ALK: variants seen among roughly 807,000 people sequenced by gnomAD.
The protein encoded by ALK is ALK tyrosine kinase receptor.
In ALK, 74 loss-of-function variants were observed where a neutral mutation model predicts 163.1. The observed-to-expected ratio is 0.45, with a 90% CI of 0.38 to 0.55. The LOEUF (loss-of-function observed/expected upper bound fraction) is 0.55, where lower values mean the gene tolerates loss of function less well. Among genes scored for constraint, ALK ranks in the 20% least tolerant of loss-of-function variants. The pLI is 0.00. For synonymous variants in ALK, 960 were observed against 843.2 expected, an observed-to-expected ratio of 1.14 and a Z score of -2.40; for missense variants, 2,063 against 2,105.3, an observed-to-expected ratio of 0.98 and a Z score of 0.39.
At chr2:29,627,186 G>C (rs1676215616) in intron 3 of ALK, among the ~76,000 whole-genome samples, 1 of 152,136 alleles carries the variant, frequency 6.6e-6, no homozygotes, top group South Asian at 2.1e-4. Flanking sequence ...GCATTTTCTA[G>C]ACCACCACGG....
rs2148215381 is a variant in ALK, at chr2:29,275,392, G to A, written c.1912+10C>T. 6.2e-7 allele frequency: 1 copy of A among 1,613,938 alleles called. No individual in the cohort carries two copies. The highest frequency in any genetic ancestry group is 2.2e-5 in the East Asian group (1 of 44,872). On this transcript the variant is annotated intron_variant, in intron 10 of 28. Transcript: ENST00000389048. ...TGGGGGACAGAGTGCTGGGGTCAGAGTGAACTCACTGGTGAGGTAGCAGTC... is the reference window on the plus strand; with the variant it reads ...TGGGGGACAGAGTGCTGGGGTCAGAATGAACTCACTGGTGAGGTAGCAGTC...
intron 3 of ALK, among the ~76,000 whole-genome samples, chr2:29,605,142 T>C (rs950879668): frequency 3.3e-5 from 5 of 152,298 alleles, no homozygotes; most frequent in Admixed American, 2.6e-4. Flanking sequence ...AGACAGTTTT[T>C]CCACGGACAG....
chr2:29,859,442 C>A (rs2148405792), intron 1 of ALK, among the ~76,000 whole-genome samples: 1 of 152,278 alleles, frequency 6.6e-6, no homozygotes, highest in South Asian at 2.1e-4. Flanking sequence ...AAACCATGCT[C>A]AAGAACTTTC....
intron 3 of ALK, among the ~76,000 whole-genome samples, chr2:29,621,842 C>T (rs1383561389): frequency 6.6e-6 from 1 of 152,150 alleles, no homozygotes; most frequent in Non-Finnish European, 1.5e-5. Context: ...TTTGTCTCAA[C>T]CATCCTTTTC....
At chr2:29,913,133 A>G (rs951788367) in intron 1 of ALK, among the ~76,000 whole-genome samples, 9 of 152,044 alleles carry the variant, frequency 5.9e-5, no homozygotes, top group Non-Finnish European at 1.2e-4. Context: ...GTAAGGTGCA[A>G]GAAAAAAAAA....
At chr2:29,512,133 AC>A (rs1180308270) in intron 4 of ALK, among the ~76,000 whole-genome samples, 34 of 152,192 alleles carry the variant, frequency 2.2e-4, no homozygotes, top group African/African-American at 8.0e-4. Flanking sequence ...GTTTTTTCTT[AC>A]CCAAGTCTGC....
intron 4 of ALK, among the ~76,000 whole-genome samples, chr2:29,529,163 G>A (rs976676261): frequency 1.3e-5 from 2 of 152,130 alleles, no homozygotes; most frequent in Non-Finnish European, 1.5e-5. Flanking sequence ...GGCACCACCT[G>A]CTCACGACAC....
rs117094055 is a variant in ALK at position 29,847,521 on chromosome 2, A to G, written c.667+72472T>C. Among the ~76,000 whole-genome samples the G allele has an allele frequency of 6.6e-5, 10 of 152,280 alleles. No homozygotes were observed. The East Asian group carries it at 1.9e-3, about 29-fold the overall frequency. On this transcript the variant is annotated intron_variant, in intron 1 of 28. Transcript: ENST00000389048. ...ACAAGCAGGAAGTACTGACCAAGCAATTTTAAAAGGTTGGTCTAATGCTCT... is the reference window on the plus strand; with the variant it reads ...ACAAGCAGGAAGTACTGACCAAGCAGTTTTAAAAGGTTGGTCTAATGCTCT...
chr2:29,815,529 A>G (rs1455508215), intron 1 of ALK, among the ~76,000 whole-genome samples: 1 of 152,150 alleles, frequency 6.6e-6, no homozygotes, highest in Admixed American at 6.5e-5. Flanking sequence ...CTGAGGAAGG[A>G]GAAGTTCTTG....
intron 1 of ALK, among the ~76,000 whole-genome samples, chr2:29,825,748 G>C (rs937117456): frequency 6.6e-6 from 1 of 151,648 alleles, no homozygotes; most frequent in Non-Finnish European, 1.5e-5. Flanking sequence ...CCAAAGATTC[G>C]ACAGATGAAG....
intron 15 of ALK, among the ~76,000 whole-genome samples, chr2:29,230,463 T>A (rs1052435156): frequency 1.3e-5 from 2 of 152,058 alleles, no homozygotes; most frequent in South Asian, 4.1e-4. Flanking sequence ...AACAGCAGTG[T>A]GTGTGTCTGC....
At chr2:29,902,534 G>A (rs1480955819) in intron 1 of ALK, among the ~76,000 whole-genome samples, 1 of 152,150 alleles carries the variant, frequency 6.6e-6, no homozygotes, top group Admixed American at 6.5e-5. Flanking sequence ...GTTTCCTGCT[G>A]CAAGAAAGTC....
At chr2:29,466,755 GTT>G (rs1671223728) in intron 4 of ALK, among the ~76,000 whole-genome samples, 1 of 152,192 alleles carries the variant, frequency 6.6e-6, no homozygotes, top group Non-Finnish European at 1.5e-5. Context: ...AAGCTGAAGA[GTT>G]TGTTTTGAGG....
In ALK at chr2:29,877,924, T is replaced by G. The variant is rs373266836; in HGVS notation, c.667+42069A>C. On this transcript the variant is annotated intron_variant, in intron 1 of 28. Coordinates refer to ENST00000389048, the MANE Select transcript of ALK (RefSeq NM_004304.5). ...CTATTCCCTCTGCCCAACCCTAGGA[T>G]TCTGGCTTCCTTCCCAGACCCAGAA... Among the ~76,000 whole-genome samples, 6 of 152,324 alleles carry G rather than the reference T, an allele frequency of 3.9e-5. No individual in the cohort carries two copies. The East Asian group carries it at 9.6e-4, about 24-fold the overall frequency.
In ALK at chr2:29,842,019, T is replaced by C. The variant is rs150307240; in HGVS notation, c.667+77974A>G. On this transcript the variant is annotated intron_variant, in intron 1 of 28. Transcript: ENST00000389048. ...CATCCTCCTCTTCACTCCTCTTTTCTACCTTCTTCCTCTCCTTCCTTCTCT... is the reference window on the plus strand; with the variant it reads ...CATCCTCCTCTTCACTCCTCTTTTCCACCTTCTTCCTCTCCTTCCTTCTCT... 7.6e-3 allele frequency among the ~76,000 whole-genome samples: 1,149 copies of C among 152,096 alleles called. 17 individuals carry two copies. The highest frequency in any genetic ancestry group is 0.026 in the African/African-American group (1,099 of 41,508).
chr2:29,192,809 C>T lies in ALK; in HGVS notation c.*415G>A, dbSNP rs886055925. On this transcript the variant is annotated 3_prime_UTR_variant, in exon 29 of 29. Coordinates refer to ENST00000389048, the MANE Select transcript of ALK (RefSeq NM_004304.5). ...CAAATAACTCCTTTATTTCCGTTCC[C>T]TCTCCCCTCAAATGGCTCATGTCCA... 1 of 299,168 alleles carries T rather than the reference C, an allele frequency of 3.3e-6. No individual in the cohort carries two copies. The highest frequency in any genetic ancestry group is 6.3e-6 in the Non-Finnish European group (1 of 157,848). The allele number at this position is 299,168 out of a possible 1,614,324, so 18.5% of individuals were successfully genotyped here. A position where few individuals can be genotyped will look rare whatever the true frequency, so the allele number is the denominator to read the frequency against.
intron 1 of ALK, among the ~76,000 whole-genome samples, chr2:29,809,122 A>G (rs1374957362): frequency 6.6e-6 from 1 of 152,248 alleles, no homozygotes; most frequent in Non-Finnish European, 1.5e-5. Context: ...ATCGGAGAGC[A>G]TATGAGTTTT....
At chr2:29,712,135 G>A (rs1339200351) in intron 2 of ALK, among the ~76,000 whole-genome samples, 1 of 152,120 alleles carries the variant, frequency 6.6e-6, no homozygotes, top group Non-Finnish European at 1.5e-5. Flanking sequence ...GAATTTCCAT[G>A]GATTGAGTAT....
chr2:29,879,159 C>T (rs1666795505), intron 1 of ALK, among the ~76,000 whole-genome samples: 2 of 152,196 alleles, frequency 1.3e-5, no homozygotes, highest in South Asian at 4.1e-4. Flanking sequence ...TAGCCTATGC[C>T]TGCATGGCAG....
Sources: allele counts gnomAD v4.1 joint callset (sites outside exome capture counted in the v4.1 genomes callset), GRCh38; gene constraint gnomAD v4.1.1; transcripts MANE v1.5; gene names NCBI Gene and HGNC (gene_info 2026-07-23, HGNC 2026-07-21).